NAALADL2: variants seen among roughly 807,000 people sequenced by gnomAD.
The protein encoded by NAALADL2 is inactive N-acetylated-alpha-linked acidic dipeptidase-like protein 2.
In NAALADL2, 76 loss-of-function variants were observed where a neutral mutation model predicts 87.2. That is an observed-to-expected ratio of 0.87 (90% CI 0.72 to 1.05). NAALADL2 has a LOEUF of 1.05. NAALADL2 is among the 50% of genes least tolerant of loss of function. The pLI is 0.00. For synonymous variants in NAALADL2, 354 were observed against 331.0 expected (o/e 1.07, Z -0.75); for missense variants, 1,089 against 945.8 (o/e 1.15, Z -1.99).
chr3:175,675,214 C>G (rs1428430200), intron 11 of NAALADL2: 2 of 152,160 alleles, frequency 1.3e-5, no homozygotes, highest in Non-Finnish European at 2.9e-5. Context: ...GTTATCATTA[C>G]CATTCCGGTA....
At chr3:174,529,109 A>T (rs1721018433) in intron 1 of NAALADL2, among the ~76,000 whole-genome samples, 1 of 152,216 alleles carries the variant, frequency 6.6e-6, no homozygotes, top group South Asian at 2.1e-4. Flanking sequence ...GTGCCTGTAA[A>T]ATCAAAAGCA....
chr3:174,462,293 C>G (rs1455654054), intron 1 of NAALADL2, among the ~76,000 whole-genome samples: 2 of 151,996 alleles, frequency 1.3e-5, no homozygotes, highest in Non-Finnish European at 2.9e-5. Context: ...ACAAAAACAG[C>G]TTCATTGTGT....
intron 1 of NAALADL2, among the ~76,000 whole-genome samples, chr3:174,999,790 T>C (rs940576419): frequency 6.6e-6 from 1 of 152,176 alleles, no homozygotes; most frequent in Non-Finnish European, 1.5e-5. Context: ...GTTATTAAAC[T>C]TCTCAATATT....
At chr3:174,908,874 A>G (rs531936347) in intron 1 of NAALADL2, among the ~76,000 whole-genome samples, 1 of 152,192 alleles carries the variant, frequency 6.6e-6, no homozygotes, top group South Asian at 2.1e-4. Flanking sequence ...AAAGCCTCTA[A>G]TTTTAAAGAA....
intron 11 of NAALADL2, among the ~76,000 whole-genome samples, chr3:175,691,719 G>T (rs773242913): frequency 2.0e-5 from 3 of 151,960 alleles, no homozygotes; most frequent in Non-Finnish European, 4.4e-5. Context: ...CATTAAAAAT[G>T]GAACTGCTTG....
chr3:174,984,692 G>T lies in NAALADL2; in HGVS notation c.44-112098G>T, dbSNP rs188734283. Among the ~76,000 whole-genome samples the T allele has an allele frequency of 3.3e-3, 497 of 152,098 alleles. 11 individuals carry two copies. Among genetic ancestry groups the T allele is most frequent in the Admixed American group, 0.03 (454 of 15,280 alleles). On this transcript the variant is annotated intron_variant, in intron 1 of 13. Transcript: ENST00000454872. ...AATCACAAATAAACTTTAAGCTCCT[G>T]AAATTATGTTATGTAAGGTATTTGA...
At chr3:175,737,212 A>T in intron 11 of NAALADL2, 94 bp from the exon 12 acceptor site, 1 of 744,430 alleles carries the variant, frequency 1.3e-6, no homozygotes, top group Non-Finnish European at 2.4e-6. Context: ...TTGCTGCTCT[A>T]GATGTATAAA....
chr3:175,564,020 G>C (rs190657113), intron 9 of NAALADL2, among the ~76,000 whole-genome samples: 11 of 152,250 alleles, frequency 7.2e-5, no homozygotes, highest in Admixed American at 7.2e-4. Context: ...TGCTGATGGC[G>C]TTATTTCCTC....
chr3:175,783,780 C>A (rs1269886943), intron 13 of NAALADL2, among the ~76,000 whole-genome samples: 1 of 150,328 alleles, frequency 6.7e-6, no homozygotes, highest in Non-Finnish European at 1.5e-5. Flanking sequence ...TGTCTTGTGC[C>A]AGTTTTCAAA....
At chr3:175,452,389 A>C (rs1382893507) in intron 6 of NAALADL2, among the ~76,000 whole-genome samples, 1 of 152,172 alleles carries the variant, frequency 6.6e-6, no homozygotes, top group Non-Finnish European at 1.5e-5. Context: ...AACAAAACTA[A>C]GTATTTTTTA....
At chr3:175,348,172 C>T (rs1763357019) in intron 5 of NAALADL2, among the ~76,000 whole-genome samples, 1 of 152,094 alleles carries the variant, frequency 6.6e-6, no homozygotes, top group African/African-American at 2.4e-5. Flanking sequence ...CTGCCTCAGC[C>T]TCCTGAGTAG....
At chr3:175,507,132 G>C (rs1435612441) in intron 9 of NAALADL2, among the ~76,000 whole-genome samples, 1 of 151,140 alleles carries the variant, frequency 6.6e-6, no homozygotes, top group Non-Finnish European at 1.5e-5. Flanking sequence ...CAACACAAAA[G>C]GCTAATAAAC....
intron 1 of NAALADL2, among the ~76,000 whole-genome samples, chr3:174,997,322 C>T (rs1747634391): frequency 6.6e-6 from 1 of 152,026 alleles, no homozygotes; most frequent in South Asian, 2.1e-4. Flanking sequence ...TTCATTACAT[C>T]CACACCAACA....
chr3:175,781,751 T>C (rs1207391557), intron 13 of NAALADL2, among the ~76,000 whole-genome samples: 1 of 152,052 alleles, frequency 6.6e-6, no homozygotes, highest in Non-Finnish European at 1.5e-5. Context: ...AGGGTACATG[T>C]GCACATTGTG....
intron 1 of NAALADL2, among the ~76,000 whole-genome samples, chr3:175,007,716 G>A (rs565714138): frequency 3.3e-5 from 5 of 152,040 alleles, no homozygotes; most frequent in African/African-American, 1.2e-4. Context: ...AATATATACT[G>A]TTTCTTCTTT....
chr3:175,082,001 A>T (rs1193215345), intron 1 of NAALADL2, among the ~76,000 whole-genome samples: 1 of 152,038 alleles, frequency 6.6e-6, no homozygotes, highest in Admixed American at 6.6e-5. Context: ...AGTGCCCTAT[A>T]ACCACTGTCA....
At position 175,535,851 on chromosome 3, in the gene NAALADL2, G is replaced by A. The variant is rs1322995948; in HGVS notation, c.1654-40190G>A. ...CATGATATAATAACTACCTGTAAAC[G>A]GGTGAGATCTCAAGCAATATAAGTG... On this transcript the variant is annotated intron_variant, in intron 9 of 13. Transcript: ENST00000454872. Among the ~76,000 whole-genome samples the A allele has an allele frequency of 3.3e-5, 5 of 152,156 alleles. No homozygotes were observed. The South Asian group carries it at 8.3e-4, about 25-fold the overall frequency.
chr3:175,608,512 T>C (rs967300295), intron 10 of NAALADL2, among the ~76,000 whole-genome samples: 4 of 151,970 alleles, frequency 2.6e-5, no homozygotes, highest in Non-Finnish European at 5.9e-5. Context: ...GGAGGTACTT[T>C]TGTTCTGCTC....
At chr3:174,476,057 C>T (rs1448221583) in intron 1 of NAALADL2, among the ~76,000 whole-genome samples, 1 of 151,852 alleles carries the variant, frequency 6.6e-6, no homozygotes, top group African/African-American at 2.4e-5. Context: ...ACATTCTAAA[C>T]ACAACTTAAA....
Sources: allele counts gnomAD v4.1 joint callset (sites outside exome capture counted in the v4.1 genomes callset), GRCh38; gene constraint gnomAD v4.1.1; transcripts MANE v1.5; gene names NCBI Gene and HGNC (gene_info 2026-07-23, HGNC 2026-07-21).